The following CDC34 variants were observed in gnomAD, a reference collection of about 807,000 sequenced individuals.
CDC34 encodes the protein ubiquitin-conjugating enzyme E2 R1.
In CDC34, 18 loss-of-function variants were observed where a neutral mutation model predicts 26.8. The ratio of observed to expected loss-of-function variants is 0.67; its 90% CI spans 0.47 to 1.00. The LOEUF is 1.00. Among genes scored for constraint, CDC34 ranks in the 50% least tolerant of loss-of-function variants. CDC34 has a pLI of 0.00. For synonymous variants in CDC34, 178 were observed against 147.5 expected (o/e 1.21, Z -1.50); for missense variants, 280 against 334.5 (o/e 0.84, Z 1.27).
intron 1 of CDC34, among the ~76,000 whole-genome samples, chr19:535,470 A>T (rs1979696500): frequency 6.6e-6 from 1 of 152,198 alleles, no homozygotes; most frequent in African/African-American, 2.4e-5. Context: ...AGCCCCTGCC[A>T]GTCCATTCTG....
chr19:540,731 G>GCAC (rs1295618773), intron 4 of CDC34, among the ~76,000 whole-genome samples: 2,326 of 61,820 alleles, frequency 0.038, 607 homozygotes, highest in Admixed American at 0.048. Flanking sequence ...CAGGCCCCCG[G>GCAC]GTTTAGAATC....
In CDC34 at chr19:534,783, TCCAGAC is replaced by T; in HGVS notation, c.178-1052_178-1047del. Reference sequence around the variant, plus strand: ...CCAAGACCCCCGAGTGCCCTCCCTGTCCAGACCTCGCCCATGATCCAAGACCCCCGA... The same window carrying T: ...CCAAGACCCCCGAGTGCCCTCCCTGTCTCGCCCATGATCCAAGACCCCCGA... On this transcript the variant is annotated intron_variant, in intron 1 of 4. Transcript: ENST00000215574. Among the ~76,000 whole-genome samples, 12 of 14,042 alleles carry T rather than the reference TCCAGAC, an allele frequency of 8.5e-4. 3 individuals are homozygous for T. The South Asian group carries it at 0.037, about 43-fold the overall frequency. 9.2% of individuals were successfully genotyped at this position (14,042 alleles called of 152,430 possible).
At position 538,339 on chromosome 19, in the gene CDC34, G is replaced by A. The variant is rs545726688; in HGVS notation, c.497+1192G>A. On this transcript the variant is annotated intron_variant, in intron 4 of 4. Coordinates refer to ENST00000215574, the MANE Select transcript of CDC34 (RefSeq NM_004359.2). ...CACTTAGCTTGCGTGGCTGTGTGTG[G>A]TGACCCACGGCTCTCCCTCTCCTCC... Among the ~76,000 whole-genome samples, 6 of 152,354 alleles carry A rather than the reference G, an allele frequency of 3.9e-5. No homozygotes were observed. In the East Asian group the frequency reaches 9.6e-4, roughly 24 times the overall value.
intron 1 of CDC34, 55 bp downstream of exon 1, chr19:532,163 C>G: frequency 7.3e-7 from 1 of 1,367,332 alleles, no homozygotes; most frequent in South Asian, 1.5e-5. Context: ...CCTCGGGCGC[C>G]GGGAACCAGC....
chr19:538,728 TGTC>T (rs1286776897), intron 4 of CDC34: 23 of 985,256 alleles, frequency 2.3e-5, no homozygotes, highest in Non-Finnish European at 2.7e-5. Context: ...TGGTACCTGG[TGTC>T]GTGGGGTCAT....
At chr19:536,562 G>C (rs546148893) in intron 3 of CDC34, 10 of 584,488 alleles carry the variant, frequency 1.7e-5, no homozygotes, top group Non-Finnish European at 2.4e-5. Flanking sequence ...CTCCCACCAG[G>C]ACCCCAGGCC....
chr19:533,602 C>T (rs929860475), intron 1 of CDC34, among the ~76,000 whole-genome samples: 2 of 152,248 alleles, frequency 1.3e-5, no homozygotes, highest in East Asian at 3.8e-4. Flanking sequence ...GCAGCCCCAC[C>T]TCGAAGCCAG....
intron 4 of CDC34, among the ~76,000 whole-genome samples, chr19:541,032 G>A (rs1029989749): frequency 3.9e-5 from 6 of 152,188 alleles, no homozygotes; most frequent in African/African-American, 9.7e-5. Context: ...CCCTGTTGCC[G>A]GCATCGTTAT....
intron 3 of CDC34, chr19:536,712 C>T (rs1600424973): frequency 3.7e-6 from 2 of 535,300 alleles, no homozygotes; most frequent in Non-Finnish European, 6.8e-6. Flanking sequence ...AGCACTGGGC[C>T]GTGTTGCCCG....
chr19:532,003 G>C lies in CDC34; in HGVS notation c.72G>C (p.Pro24=). Reference sequence around the variant, plus strand: ...AGCTCAAGGGGCTGCAGGAAGAGCCGGTCGAGGGATTCCGCGTGACACTGG... The same window carrying C: ...AGCTCAAGGGGCTGCAGGAAGAGCCCGTCGAGGGATTCCGCGTGACACTGG... ...LLELKGLQEE[P]VEGFRVTLVD... The change falls in exon 1 of 5, where the codon CCG becomes CCC. Residue 24 remains proline, a synonymous_variant. Coordinates refer to ENST00000215574, the MANE Select transcript of CDC34 (RefSeq NM_004359.2). 1 of 1,503,718 alleles carries C rather than the reference G, an allele frequency of 6.7e-7. No individual in the cohort carries two copies. Among genetic ancestry groups the C allele is most frequent in the Non-Finnish European group, 8.8e-7 (1 of 1,134,470 alleles). 93.1% of individuals were successfully genotyped at this position (1,503,718 alleles called of 1,614,324 possible). A position where few individuals can be genotyped will look rare whatever the true frequency, so the allele number is the denominator to read the frequency against.
In CDC34 at chr19:532,018, CGT is replaced by C. The variant is rs1362360888; in HGVS notation, c.89_90del (p.Val30AspfsTer55). ...AGGAAGAGCCGGTCGAGGGATTCCG[CGT>C]GACACTGGTGGACGAGGGCGATCTA... ...LQEEPVEGFR[V>X]TLVDEGDLYN... On this transcript the variant is annotated frameshift_variant, in exon 1 of 5. Transcript: ENST00000215574. LOFTEE classifies it high-confidence loss of function. 6.6e-7 allele frequency: 1 copy of C among 1,513,856 alleles called. No homozygotes were observed. The highest frequency in any genetic ancestry group is 8.8e-7 in the Non-Finnish European group (1 of 1,139,720). 93.8% of individuals were successfully genotyped at this position (1,513,856 alleles called of 1,614,324 possible).
intron 4 of CDC34, among the ~76,000 whole-genome samples, chr19:538,319 A>T (rs1979856786): frequency 6.6e-6 from 1 of 152,188 alleles, no homozygotes; most frequent in Non-Finnish European, 1.5e-5. Flanking sequence ...CAGTCCACTT[A>T]GCTTGCGTGG....
chr19:535,813 G>A (rs1979710922), intron 1 of CDC34, 24 bp from the exon 2 acceptor site: 1 of 1,597,172 alleles, frequency 6.3e-7, no homozygotes, highest in Non-Finnish European at 8.6e-7. Flanking sequence ...GCTGGACTGA[G>A]CCACCTGCCT....
intron 1 of CDC34, among the ~76,000 whole-genome samples, chr19:535,549 G>A (rs920006824): frequency 3.3e-5 from 5 of 152,326 alleles, no homozygotes; most frequent in East Asian, 1.9e-4. Context: ...CTGGAGCCAC[G>A]CGGGCAGCCA....
intron 4 of CDC34, 165 bp from the exon 5 acceptor site, chr19:541,174 C>A: frequency 1.1e-6 from 1 of 876,606 alleles, no homozygotes; most frequent in Non-Finnish European, 1.7e-6. Flanking sequence ...TGTCATTTCT[C>A]CCCCTGGAGT....
At chr19:541,044 T>G (rs1279636826) in intron 4 of CDC34, among the ~76,000 whole-genome samples, 1 of 152,198 alleles carries the variant, frequency 6.6e-6, no homozygotes, top group African/African-American at 2.4e-5. Flanking sequence ...CATCGTTATT[T>G]TCTCCCAGCT....
chr19:539,021 T>C (rs1225735424), intron 4 of CDC34: 1 of 984,752 alleles, frequency 1.0e-6, no homozygotes, highest in Non-Finnish European at 1.2e-6. Flanking sequence ...AGCCACACTA[T>C]TTTTATCCCT....
rs1043830635 is a variant in CDC34 at position 536,551 on chromosome 19, A to T, written c.362+211A>T. The T allele has an allele frequency of 5.2e-6, 3 of 582,370 alleles. No individual in the cohort carries two copies. In the African/African-American group the frequency reaches 5.6e-5, roughly 11 times the overall value. 36.1% of individuals were successfully genotyped at this position (582,370 alleles called of 1,614,324 possible). ...CCTGCGGCACCGTGTGTCGGTGCAG[A>T]CTCCCACCAGGACCCCAGGCCGGCC... On this transcript the variant is annotated intron_variant, in intron 3 of 4. Transcript: ENST00000215574.
chr19:538,108 G>A (rs1427815639), intron 4 of CDC34, among the ~76,000 whole-genome samples: 1 of 152,040 alleles, frequency 6.6e-6, no homozygotes, highest in African/African-American at 2.4e-5. Flanking sequence ...GGGTCGTGCT[G>A]TGTGTGCCCA....
Sources: allele counts gnomAD v4.1 joint callset (sites outside exome capture counted in the v4.1 genomes callset), GRCh38; gene constraint gnomAD v4.1.1; transcripts MANE v1.5; gene names NCBI Gene and HGNC (gene_info 2026-07-23, HGNC 2026-07-21).